The following ADGRB3 variants were observed in gnomAD, a reference collection of about 807,000 sequenced individuals.
ADGRB3 encodes the protein adhesion G protein-coupled receptor B3, also known as brain-specific angiogenesis inhibitor 3.
Under a neutral mutation model 193.4 loss-of-function variants are expected in ADGRB3, and 37 were observed. The observed-to-expected ratio is 0.19, with a 90% CI of 0.15 to 0.25. ADGRB3 has a LOEUF of 0.25. Ranked by LOEUF, ADGRB3 falls within the 10% of genes least tolerant of loss-of-function variation. The pLI, the probability that ADGRB3 is intolerant of heterozygous loss-of-function variation, is 1.00. For synonymous variants in ADGRB3, 690 were observed against 644.2 expected, an observed-to-expected ratio of 1.07 and a Z score of -1.08; for missense variants, 1,637 against 1,852.9, an observed-to-expected ratio of 0.88 and a Z score of 2.14.
intron 3 of ADGRB3, among the ~76,000 whole-genome samples, chr6:68,770,369 T>G (rs182720817): frequency 6.6e-6 from 1 of 152,150 alleles, no homozygotes; most frequent in South Asian, 2.1e-4. Context: ...CTGCATCTCA[T>G]TAGCATCTGA....
intron 8 of ADGRB3, among the ~76,000 whole-genome samples, chr6:68,970,049 C>T (rs1768513124): frequency 6.6e-6 from 1 of 152,152 alleles, no homozygotes; most frequent in South Asian, 2.1e-4. Context: ...GCTTCAAGGC[C>T]TTTGCACAAA....
intron 29 of ADGRB3, among the ~76,000 whole-genome samples, chr6:69,367,970 G>A (rs1249296213): frequency 2.7e-4 from 35 of 128,842 alleles, no homozygotes; most frequent in Admixed American, 6.9e-4. Context: ...ACAGGAAGGG[G>A]AATATCACAC....
At chr6:68,702,199 G>C (rs1385406313) in intron 3 of ADGRB3, among the ~76,000 whole-genome samples, 1 of 136,756 alleles carries the variant, frequency 7.3e-6, no homozygotes, top group Admixed American at 7.4e-5. Context: ...GGCAAGAACA[G>C]GAGCGAGAAA....
At chr6:68,902,473 C>T (rs117380426) in intron 3 of ADGRB3, among the ~76,000 whole-genome samples, 298 of 152,102 alleles carry the variant, frequency 2.0e-3, no homozygotes, top group Middle Eastern at 6.8e-3. Flanking sequence ...ATATTGACTG[C>T]TGTCCTCTAT....
chr6:68,797,537 G>C (rs1170205807), intron 3 of ADGRB3, among the ~76,000 whole-genome samples: 3 of 152,110 alleles, frequency 2.0e-5, no homozygotes, highest in Non-Finnish European at 4.4e-5. Context: ...TGGAAAGTAG[G>C]GAAGTCCAGA....
intron 3 of ADGRB3, among the ~76,000 whole-genome samples, chr6:68,643,325 G>T (rs1007805518): frequency 6.6e-6 from 1 of 150,880 alleles, no homozygotes; most frequent in Non-Finnish European, 1.5e-5. Context: ...AATCTAATGT[G>T]ATTTGAGTCT....
intron 3 of ADGRB3, among the ~76,000 whole-genome samples, chr6:68,642,244 T>C (rs1049232955): frequency 2.0e-5 from 3 of 152,178 alleles, no homozygotes; most frequent in Non-Finnish European, 1.5e-5. Flanking sequence ...TGAAGAGTCT[T>C]CACACTTAGT....
Position 68,827,894 on chromosome 6 carries a change from G to A in ADGRB3, c.758-102665G>A, listed in dbSNP as rs145908747. On this transcript the variant is annotated intron_variant, in intron 3 of 31. Transcript: ENST00000370598. The stretch of plus-strand genomic sequence containing the variant: ...GGCCTTTGCACATGCTCTTACACTC[G>A]TGTCCAATGGAACTTACCCCATGGT... Among the ~76,000 whole-genome samples the A allele has an allele frequency of 4.5e-4, 68 of 152,158 alleles. 1 individual carries two copies. In the East Asian group the frequency reaches 0.01, roughly 23 times the overall value.
intron 3 of ADGRB3, among the ~76,000 whole-genome samples, chr6:68,884,507 AGT>A (rs2150226157): frequency 6.6e-6 from 1 of 152,316 alleles, no homozygotes; most frequent in East Asian, 1.9e-4. Context: ...AGCATAAGTT[AGT>A]ATTTCAGGCA....
intron 3 of ADGRB3, among the ~76,000 whole-genome samples, chr6:68,873,295 C>T (rs995274868): frequency 6.6e-6 from 1 of 152,096 alleles, no homozygotes; most frequent in Non-Finnish European, 1.5e-5. Context: ...GGATGACACT[C>T]ATTTCTAAAT....
chr6:68,811,827 A>T (rs1418838605), intron 3 of ADGRB3, among the ~76,000 whole-genome samples: 1 of 152,128 alleles, frequency 6.6e-6, no homozygotes, highest in Non-Finnish European at 1.5e-5. Context: ...TACTTTCTAG[A>T]TGTCGTGGGA....
intron 3 of ADGRB3, among the ~76,000 whole-genome samples, chr6:68,904,585 C>A (rs2150234562): frequency 6.6e-6 from 1 of 152,280 alleles, no homozygotes; most frequent in Non-Finnish European, 1.5e-5. Context: ...TGCTGATTAT[C>A]TGATACTATT....
chr6:68,913,347 C>A (rs1766777647), intron 3 of ADGRB3, among the ~76,000 whole-genome samples: 1 of 152,210 alleles, frequency 6.6e-6, no homozygotes, highest in Non-Finnish European at 1.5e-5. Context: ...TGAGACAAAA[C>A]TTCCAGAGGA....
chr6:69,257,162 C>A (rs1766796767), intron 20 of ADGRB3, among the ~76,000 whole-genome samples: 1 of 152,048 alleles, frequency 6.6e-6, no homozygotes, highest in Admixed American at 6.6e-5. Context: ...GTCTAAAATG[C>A]TCTTTTTTGG....
intron 3 of ADGRB3, among the ~76,000 whole-genome samples, chr6:68,847,341 T>C (rs1317360499): frequency 6.6e-6 from 1 of 152,106 alleles, no homozygotes; most frequent in Non-Finnish European, 1.5e-5. Context: ...CATGATTGGT[T>C]TTAAAATGTG....
chr6:68,907,234 G>A (rs772237723), intron 3 of ADGRB3, among the ~76,000 whole-genome samples: 7 of 151,714 alleles, frequency 4.6e-5, no homozygotes, highest in Non-Finnish European at 1.0e-4. Context: ...TATTGATATA[G>A]CAAAGCTGTT....
chr6:68,794,160 A>C (rs1419821950), intron 3 of ADGRB3, among the ~76,000 whole-genome samples: 1 of 152,142 alleles, frequency 6.6e-6, no homozygotes, highest in Non-Finnish European at 1.5e-5. Flanking sequence ...CGTAGTAAAT[A>C]AATTGCTTAT....
chr6:68,729,243 C>G (rs1765728005), intron 3 of ADGRB3, among the ~76,000 whole-genome samples: 4 of 151,654 alleles, frequency 2.6e-5, no homozygotes, highest in Admixed American at 2.6e-4. Flanking sequence ...GGTAGCTTTC[C>G]TGATGTTACC....
intron 8 of ADGRB3, among the ~76,000 whole-genome samples, chr6:68,962,521 A>G (rs1768264514): frequency 6.6e-6 from 1 of 152,196 alleles, no homozygotes; most frequent in African/African-American, 2.4e-5. Flanking sequence ...TTGCTTAAAA[A>G]GCAATTTTCT....
Sources: gnomAD v4.1 joint callset for allele counts (sites outside exome capture counted in the v4.1 genomes callset) on GRCh38, gnomAD v4.1.1 for gene constraint, MANE v1.5 for transcripts, NCBI Gene and HGNC (gene_info 2026-07-23, HGNC 2026-07-21) for gene names.